Variants in SPAG16 observed in about 807,000 individuals in gnomAD.
The protein encoded by SPAG16 is sperm-associated antigen 16 protein.
A neutral mutation model predicts 80.4 loss-of-function variants in SPAG16; 86 were observed. The ratio of observed to expected loss-of-function variants is 1.07; its 90% CI spans 0.90 to 1.28. The LOEUF (loss-of-function observed/expected upper bound fraction) is 1.28, where lower values mean the gene tolerates loss of function less well. Ranked by LOEUF, SPAG16 falls within the 50% of genes most tolerant of loss-of-function variation. The probability of loss-of-function intolerance (pLI) is 0.00; values close to 1 mark genes in which losing one functional copy is unlikely to be tolerated. For missense variants in SPAG16, 870 were observed against 765.3 expected, an observed-to-expected ratio of 1.14 and a Z score of -1.61; for synonymous variants, 294 against 265.9, an observed-to-expected ratio of 1.11 and a Z score of -1.03.
chr2:213,290,543 G>A (rs985557315), intron 1 of SPAG16, among the ~76,000 whole-genome samples: 2 of 152,220 alleles, frequency 1.3e-5, no homozygotes, highest in African/African-American at 4.8e-5. Flanking sequence ...ATTCACCAGT[G>A]TTCTTCGAAG....
chr2:213,445,766 T>C (rs1294017839), intron 9 of SPAG16, among the ~76,000 whole-genome samples: 2 of 152,154 alleles, frequency 1.3e-5, no homozygotes, highest in African/African-American at 4.8e-5. Flanking sequence ...TCACCTCAGC[T>C]AAAATGGCTT....
chr2:213,687,455 G>C (rs2064736468), intron 10 of SPAG16, among the ~76,000 whole-genome samples: 1 of 152,080 alleles, frequency 6.6e-6, no homozygotes, highest in African/African-American at 2.4e-5. Context: ...GGGTTTGCTG[G>C]TGAAAAATTG....
At chr2:214,391,944 G>A (rs968104608) in intron 15 of SPAG16, among the ~76,000 whole-genome samples, 1 of 152,128 alleles carries the variant, frequency 6.6e-6, no homozygotes, top group African/African-American at 2.4e-5. Flanking sequence ...CTGGACTCAG[G>A]AATACAAGGC....
chr2:213,594,598 T>C (rs1459407573), intron 10 of SPAG16, among the ~76,000 whole-genome samples: 1 of 152,134 alleles, frequency 6.6e-6, no homozygotes, highest in Non-Finnish European at 1.5e-5. Flanking sequence ...CCCCTGAAAA[T>C]TTCCCATTTC....
chr2:213,999,258 A>C (rs1277390923), intron 12 of SPAG16, among the ~76,000 whole-genome samples: 1 of 152,162 alleles, frequency 6.6e-6, no homozygotes, highest in Non-Finnish European at 1.5e-5. Context: ...ATGCAGCCTA[A>C]GGACTTTTTG....
chr2:213,800,265 G>A (rs1031119836), intron 10 of SPAG16, among the ~76,000 whole-genome samples: 7 of 151,738 alleles, frequency 4.6e-5, no homozygotes, highest in African/African-American at 1.5e-4. Context: ...CATATTTCTT[G>A]TGTACTTTCC....
intron 15 of SPAG16, among the ~76,000 whole-genome samples, chr2:214,381,315 CT>C (rs1700437366): frequency 6.6e-6 from 1 of 152,170 alleles, no homozygotes; most frequent in Admixed American, 6.6e-5. Flanking sequence ...TCAAGAGGTG[CT>C]TTTCTTTCAT....
At chr2:214,107,557 G>A (rs534532610) in intron 13 of SPAG16, among the ~76,000 whole-genome samples, 8 of 152,108 alleles carry the variant, frequency 5.3e-5, no homozygotes, top group South Asian at 4.2e-4. Context: ...CATCTTTCCC[G>A]GAAACATTTA....
chr2:213,297,571 C>T (rs1003266802), intron 3 of SPAG16, among the ~76,000 whole-genome samples: 9 of 149,724 alleles, frequency 6.0e-5, no homozygotes, highest in Non-Finnish European at 1.4e-4. Context: ...GTCACTCTTG[C>T]ATGACTTTGT....
chr2:214,270,861 C>G (rs1691939657), intron 15 of SPAG16, among the ~76,000 whole-genome samples: 1 of 152,060 alleles, frequency 6.6e-6, no homozygotes, highest in Admixed American at 6.6e-5. Flanking sequence ...TTATTTCTTT[C>G]ACAGGATGTG....
intron 15 of SPAG16, among the ~76,000 whole-genome samples, chr2:214,402,151 T>A (rs1438466611): frequency 6.6e-6 from 1 of 152,024 alleles, no homozygotes; most frequent in East Asian, 1.9e-4. Context: ...TAACAAAAAA[T>A]CAAATATTTC....
At chr2:214,387,946 A>T (rs1376141217) in intron 15 of SPAG16, among the ~76,000 whole-genome samples, 1 of 152,206 alleles carries the variant, frequency 6.6e-6, no homozygotes, top group Non-Finnish European at 1.5e-5. Flanking sequence ...AAACCATATC[A>T]TGTGGTTATA....
In SPAG16 at chr2:214,134,198, T is replaced by C. The variant is rs78697702; in HGVS notation, c.1594-14942T>C. Among the ~76,000 whole-genome samples the C allele has an allele frequency of 6.6e-3, 1,008 of 152,328 alleles. 12 individuals are homozygous for C. The highest frequency in any genetic ancestry group is 0.023 in the African/African-American group (972 of 41,574). ...TAGCACCTGTTCTTTCCTGATTTCA[T>C]ATATGAAAAGACTTTGAAGTCTACA... On this transcript the variant is annotated intron_variant, in intron 14 of 15. Transcript: ENST00000331683.
chr2:213,714,304 C>A (rs985923156), intron 10 of SPAG16, among the ~76,000 whole-genome samples: 4 of 152,132 alleles, frequency 2.6e-5, no homozygotes, highest in African/African-American at 9.7e-5. Context: ...CATAAGCATC[C>A]CATAAGGGAA....
At chr2:213,696,648 G>C (rs891452865) in intron 10 of SPAG16, among the ~76,000 whole-genome samples, 2 of 152,148 alleles carry the variant, frequency 1.3e-5, no homozygotes, top group Non-Finnish European at 2.9e-5. Flanking sequence ...ATACTTGCCA[G>C]AGCTAAAAAA....
chr2:213,941,004 A>G (rs1421685517), intron 12 of SPAG16, among the ~76,000 whole-genome samples: 1 of 152,150 alleles, frequency 6.6e-6, no homozygotes, highest in Non-Finnish European at 1.5e-5. Context: ...ACCAATCCCT[A>G]AATTGAAAAT....
intron 13 of SPAG16, among the ~76,000 whole-genome samples, chr2:214,027,478 AC>A (rs2048191948): frequency 6.6e-6 from 1 of 151,678 alleles, no homozygotes; most frequent in African/African-American, 2.4e-5. Flanking sequence ...TTATTTTTTC[AC>A]ATTTGTCAGT....
chr2:213,972,407 G>A (rs2045117586), intron 12 of SPAG16, among the ~76,000 whole-genome samples: 1 of 152,110 alleles, frequency 6.6e-6, no homozygotes, highest in Non-Finnish European at 1.5e-5. Context: ...AAAAGATGTT[G>A]GTGTAGTTGG....
intron 13 of SPAG16, among the ~76,000 whole-genome samples, chr2:214,060,292 G>A (rs2050189277): frequency 6.6e-6 from 1 of 152,140 alleles, no homozygotes; most frequent in African/African-American, 2.4e-5. Context: ...GAAGGAGCCA[G>A]GGATGAAAAC....
Sources: allele counts gnomAD v4.1 joint callset (sites outside exome capture counted in the v4.1 genomes callset), GRCh38; gene constraint gnomAD v4.1.1; transcripts MANE v1.5; gene names NCBI Gene and HGNC (gene_info 2026-07-23, HGNC 2026-07-21).